Variants in JAKMIP2 observed in about 807,000 individuals in gnomAD.
JAKMIP2 encodes janus kinase and microtubule interacting protein 2.
JAKMIP2 carries 25 observed loss-of-function variants against 115.0 expected under a neutral mutation model. The observed-to-expected ratio is 0.22, with a 90% confidence interval of 0.16 to 0.30. The LOEUF (loss-of-function observed/expected upper bound fraction) is 0.30. JAKMIP2 is among the 10% of genes least tolerant of loss of function. The pLI is 1.00. For synonymous variants in JAKMIP2, 334 were observed against 343.6 expected (o/e 0.97, Z 0.31); for missense variants, 642 against 957.6 (o/e 0.67, Z 4.35).
chr5:147,622,030 G>A (rs1756876855), intron 17 of JAKMIP2, among the ~76,000 whole-genome samples: 1 of 152,126 alleles, frequency 6.6e-6, no homozygotes, highest in African/African-American at 2.4e-5. Flanking sequence ...ACCGCGCCCG[G>A]CTAATTTTGT....
rs1053057795 is a variant in JAKMIP2, at chr5:147,671,817, T to C, written c.-11A>G. ...CCCTTTCTTGGACATTGTTCCTTTC[T>C]AAATGGAGTCTGTTGGTTTTTAATT... On this transcript the variant is annotated 5_prime_UTR_variant, in exon 2 of 22. Transcript: ENST00000616793. 20 of 1,548,864 alleles carry C rather than the reference T, an allele frequency of 1.3e-5. No homozygotes were observed. The Middle Eastern group carries it at 8.6e-4, about 67-fold the overall frequency.
At chr5:147,634,021 C>G (rs1757492506) in intron 12 of JAKMIP2, among the ~76,000 whole-genome samples, 1 of 152,104 alleles carries the variant, frequency 6.6e-6, no homozygotes, top group Non-Finnish European at 1.5e-5. Context: ...ATCAGAAAAT[C>G]TTTATGAAGT....
At chr5:147,660,826 C>T in intron 3 of JAKMIP2, 122 bp downstream of exon 3, 3 of 1,141,138 alleles carry the variant, frequency 2.6e-6, no homozygotes, top group Non-Finnish European at 3.8e-6. Context: ...GAGCACTGGA[C>T]AAAAGGTAGG....
intron 1 of JAKMIP2, among the ~76,000 whole-genome samples, chr5:147,781,874 G>C (rs574320535): frequency 6.6e-6 from 1 of 152,230 alleles, no homozygotes; most frequent in African/African-American, 2.4e-5. Context: ...ATATCCATAA[G>C]ATATACATGT....
At chr5:147,745,196 T>C (rs1754309396) in intron 1 of JAKMIP2, among the ~76,000 whole-genome samples, 1 of 152,086 alleles carries the variant, frequency 6.6e-6, no homozygotes, top group Non-Finnish European at 1.5e-5. Context: ...GCAACTTAGA[T>C]CTACACTAAG....
chr5:147,742,013 A>C (rs545534103), intron 1 of JAKMIP2, among the ~76,000 whole-genome samples: 2 of 151,634 alleles, frequency 1.3e-5, no homozygotes, highest in Admixed American at 1.3e-4. Flanking sequence ...CCACTATAAA[A>C]CCACTCTGCT....
intron 1 of JAKMIP2, among the ~76,000 whole-genome samples, chr5:147,768,818 T>C (rs1755244315): frequency 1.3e-5 from 2 of 152,196 alleles, no homozygotes; most frequent in South Asian, 4.1e-4. Flanking sequence ...GTTTGAGGCC[T>C]GGTCCTTTTG....
At chr5:147,612,586 C>A (rs1756387912) in intron 19 of JAKMIP2, among the ~76,000 whole-genome samples, 1 of 152,178 alleles carries the variant, frequency 6.6e-6, no homozygotes, top group African/African-American at 2.4e-5. Flanking sequence ...TACTGATTAA[C>A]TTTTCAAAAA....
At position 147,601,936 on chromosome 5, in the gene JAKMIP2, T is replaced by G. The variant is rs779778475; in HGVS notation, c.2413-125A>C. On this transcript the variant is annotated intron_variant, in intron 20 of 21. Transcript: ENST00000616793. ...ACTTCACACATGAACATCAAGCACC[T>G]TTTTGTTTAAAAAAATCCACACCTT... 1,147 of 459,814 alleles carry G rather than the reference T, an allele frequency of 2.5e-3. 1 individual carries two copies. The highest frequency in any genetic ancestry group is 3.4e-3 in the Non-Finnish European group (851 of 253,908). 28.5% of individuals were successfully genotyped at this position (459,814 alleles called of 1,614,324 possible).
rs1311790505 is a variant in JAKMIP2, at chr5:147,585,935, G to A, written c.*5772C>T. 6.6e-6 allele frequency: 1 copy of A among 151,716 alleles called. No individual in the cohort carries two copies. Among genetic ancestry groups the A allele is most frequent in the Non-Finnish European group, 1.5e-5 (1 of 67,946 alleles). The allele number at this position is 151,716 out of a possible 1,614,324, so 9.4% of individuals were successfully genotyped here. On this transcript the variant is annotated 3_prime_UTR_variant, in exon 22 of 22. Coordinates refer to ENST00000616793, the MANE Select transcript of JAKMIP2 (RefSeq NM_001270941.2). ...GGGACTTTTGGCTAATTTTAATACT[G>A]TAGATTGTGCTGAACTTTCTGTTGC...
At chr5:147,750,606 T>C (rs1754515022) in intron 1 of JAKMIP2, among the ~76,000 whole-genome samples, 1 of 132,084 alleles carries the variant, frequency 7.6e-6, no homozygotes, top group Admixed American at 7.6e-5. Flanking sequence ...AAGAAACCTA[T>C]ATTACATGAA....
chr5:147,620,047 C>A (rs1398590796), intron 18 of JAKMIP2, among the ~76,000 whole-genome samples: 2 of 152,026 alleles, frequency 1.3e-5, no homozygotes, highest in East Asian at 3.9e-4. Flanking sequence ...CACTGCCATC[C>A]AAACTGTTCT....
At chr5:147,671,034 T>G (rs948560553) in intron 2 of JAKMIP2, among the ~76,000 whole-genome samples, 1 of 152,170 alleles carries the variant, frequency 6.6e-6, no homozygotes, top group Non-Finnish European at 1.5e-5. Context: ...GCTTGATGGT[T>G]GAGCAGACAT....
chr5:147,706,999 T>C, intron 1 of JAKMIP2, among the ~76,000 whole-genome samples: 1 of 152,158 alleles, frequency 6.6e-6, no homozygotes, highest in Non-Finnish European at 1.5e-5. Context: ...ACCTGTGTGT[T>C]ATACTTTCTA....
chr5:147,629,615 A>T, intron 15 of JAKMIP2, 78 bp downstream of exon 15: 1 of 983,524 alleles, frequency 1.0e-6, no homozygotes. Context: ...CTCTTACTTT[A>T]CACATGATGC....
chr5:147,692,831 T>C (rs1751931205), intron 1 of JAKMIP2, among the ~76,000 whole-genome samples: 1 of 152,144 alleles, frequency 6.6e-6, no homozygotes, highest in Non-Finnish European at 1.5e-5. Flanking sequence ...AGTCTATGGG[T>C]AATAATAAGA....
chr5:147,720,232 G>A (rs971202320), intron 1 of JAKMIP2, among the ~76,000 whole-genome samples: 1 of 152,082 alleles, frequency 6.6e-6, no homozygotes, highest in Admixed American at 6.6e-5. Context: ...TTAGTCTGAT[G>A]GGCTTCCCTT....
At chr5:147,662,372 T>C (rs191495278) in intron 2 of JAKMIP2, among the ~76,000 whole-genome samples, 1 of 152,292 alleles carries the variant, frequency 6.6e-6, no homozygotes, top group East Asian at 1.9e-4. Flanking sequence ...ATAAAATATT[T>C]CGAATAAGCT....
chr5:147,614,825 G>T (rs890334206), intron 19 of JAKMIP2, among the ~76,000 whole-genome samples: 15 of 152,190 alleles, frequency 9.9e-5, no homozygotes, highest in African/African-American at 3.1e-4. Flanking sequence ...TCTAGCCTTT[G>T]CTCTGTTCCT....
Sources: gnomAD v4.1 joint callset for allele counts (sites outside exome capture counted in the v4.1 genomes callset) on GRCh38, gnomAD v4.1.1 for gene constraint, MANE v1.5 for transcripts, NCBI Gene and HGNC (gene_info 2026-07-23, HGNC 2026-07-21) for gene names.